Variants in C2orf76 observed in about 807,000 individuals in gnomAD.
C2orf76 encodes chromosome 2 open reading frame 76, also known as UPF0538 protein C2orf76.
C2orf76 carries 23 observed loss-of-function variants against 16.9 expected under a neutral mutation model. That is an observed-to-expected ratio of 1.36 (90% confidence interval 0.98 to 1.93). The LOEUF (loss-of-function observed/expected upper bound fraction) is 1.93, where lower values mean the gene tolerates loss of function less well. C2orf76 is among the 30% of genes most tolerant of loss of function. C2orf76 has a pLI of 0.00. For synonymous variants in C2orf76, 48 were observed against 52.3 expected (o/e 0.92, Z 0.35); for missense variants, 152 against 152.6 (o/e 1.00, Z 0.02).
chr2:119,321,222 T>A lies in C2orf76; in HGVS notation c.134-18A>T. 1 of 1,316,890 alleles carries A rather than the reference T, an allele frequency of 7.6e-7. No individual in the cohort carries two copies. The highest frequency in any genetic ancestry group is 2.5e-5 in the East Asian group (1 of 40,756). The allele number at this position is 1,316,890 out of a possible 1,614,324, so 81.6% of individuals were successfully genotyped here. A position where few individuals can be genotyped will look rare whatever the true frequency, so the allele number is the denominator to read the frequency against. ...AGGGATATCTACAAGAGAAAGATTATTTTTTTACACAATAAGCAAATAGAC... is the reference window on the plus strand; with the variant it reads ...AGGGATATCTACAAGAGAAAGATTAATTTTTTACACAATAAGCAAATAGAC... On this transcript the variant is annotated intron_variant, in intron 2 of 5. Coordinates refer to ENST00000334816, the MANE Select transcript of C2orf76 (RefSeq NM_001322331.2).
intron 2 of C2orf76, among the ~76,000 whole-genome samples, chr2:119,325,782 T>C (rs980896533): frequency 2.0e-5 from 3 of 152,242 alleles, no homozygotes; most frequent in Admixed American, 1.3e-4. Flanking sequence ...TGTAATCTCA[T>C]TGTGGTTTTA....
At chr2:119,305,509 T>C (rs552258256) in intron 5 of C2orf76, among the ~76,000 whole-genome samples, 2 of 152,294 alleles carry the variant, frequency 1.3e-5, no homozygotes, top group South Asian at 2.1e-4. Flanking sequence ...AGCACCAACG[T>C]AGTATGAGGC....
chr2:119,342,987 C>T (rs1168512973), intron 1 of C2orf76, among the ~76,000 whole-genome samples: 2 of 152,154 alleles, frequency 1.3e-5, no homozygotes, highest in Non-Finnish European at 2.9e-5. Flanking sequence ...CCAGGCTGGT[C>T]TTGAACTCAT....
At chr2:119,357,160 C>T (rs1680597339) in intron 1 of C2orf76, among the ~76,000 whole-genome samples, 1 of 152,052 alleles carries the variant, frequency 6.6e-6, no homozygotes, top group Admixed American at 6.6e-5. Context: ...ATCAATTGTA[C>T]ACAACCTCTT....
chr2:119,344,322 C>G (rs955562394), intron 1 of C2orf76, among the ~76,000 whole-genome samples: 1 of 152,120 alleles, frequency 6.6e-6, no homozygotes, highest in Non-Finnish European at 1.5e-5. Flanking sequence ...ACATTTTTCC[C>G]AGAAAGTTTG....
intron 2 of C2orf76, among the ~76,000 whole-genome samples, chr2:119,334,701 A>ATATAT (rs1288025757): frequency 6.1e-5 from 5 of 81,388 alleles, no homozygotes; most frequent in African/African-American, 1.7e-4. Context: ...AGAAAAAAAC[A>ATATAT]AAATATATAT....
chr2:119,344,183 G>A (rs1271666271), intron 1 of C2orf76, among the ~76,000 whole-genome samples: 1 of 152,146 alleles, frequency 6.6e-6, no homozygotes, highest in Non-Finnish European at 1.5e-5. Flanking sequence ...TTTATACTCA[G>A]TAACAAAACA....
chr2:119,326,110 T>C (rs1679502727), intron 2 of C2orf76, among the ~76,000 whole-genome samples: 1 of 152,238 alleles, frequency 6.6e-6, no homozygotes, highest in Non-Finnish European at 1.5e-5. Context: ...ATTTTTGCTT[T>C]TATAGTTTAT....
At chr2:119,328,753 T>C (rs1406576603) in intron 2 of C2orf76, among the ~76,000 whole-genome samples, 1 of 152,178 alleles carries the variant, frequency 6.6e-6, no homozygotes, top group Admixed American at 6.5e-5. Flanking sequence ...TTAAATACTA[T>C]TTTACATGCA....
rs141718030 is a variant in C2orf76, at chr2:119,323,553, T to G, written c.134-2349A>C. Among the ~76,000 whole-genome samples, 291 of 152,222 alleles carry G rather than the reference T, an allele frequency of 1.9e-3. 2 individuals carry two copies. The highest frequency in any genetic ancestry group is 5.0e-4 in the Non-Finnish European group (34 of 68,010). ...CTAGGAGTGTGGTCCTCACCCCGGC[T>G]GCACGTCAGGATCACCCAGCCTGGC... On this transcript the variant is annotated intron_variant, in intron 2 of 5. Coordinates refer to ENST00000334816, the MANE Select transcript of C2orf76 (RefSeq NM_001322331.2).
intron 4 of C2orf76, among the ~76,000 whole-genome samples, chr2:119,312,265 C>T (rs956334540): frequency 1.3e-5 from 2 of 151,978 alleles, no homozygotes; most frequent in Non-Finnish European, 2.9e-5. Flanking sequence ...TTTTGTTTTT[C>T]GAGACAGGGT....
At chr2:119,366,937 G>C, upstream of C2orf76, 2 of 1,343,488 alleles carry the variant, frequency 1.5e-6, no homozygotes, top group Non-Finnish European at 2.1e-6. Flanking sequence ...CGCCCGAGCA[G>C]GGTTGGGGCG....
At chr2:119,332,589 G>A (rs13019918) in intron 2 of C2orf76, among the ~76,000 whole-genome samples, 85,623 of 152,024 alleles carry the variant, frequency 0.56, 24,463 homozygotes, top group African/African-American at 0.62. Flanking sequence ...CAATCTGGAT[G>A]CAGCTAAAGC....
chr2:119,342,392 T>G (rs190149395), intron 1 of C2orf76, among the ~76,000 whole-genome samples: 2 of 151,990 alleles, frequency 1.3e-5, no homozygotes, highest in Non-Finnish European at 2.9e-5. Context: ...GGAAGGATCA[T>G]TTGAGGTCAG....
At chr2:119,343,278 C>A (rs1446004738) in intron 1 of C2orf76, among the ~76,000 whole-genome samples, 3 of 152,040 alleles carry the variant, frequency 2.0e-5, no homozygotes, top group African/African-American at 7.2e-5. Context: ...TCAGCAAATA[C>A]CTACAAAATT....
chr2:119,307,837 C>G lies in C2orf76; in HGVS notation c.304+3785G>C, dbSNP rs114330117. 7.3e-3 allele frequency among the ~76,000 whole-genome samples: 1,110 copies of G among 152,276 alleles called. 11 individuals are homozygous for G. The highest frequency in any genetic ancestry group is 0.013 in the Non-Finnish European group (870 of 68,018). On this transcript the variant is annotated intron_variant, in intron 5 of 5. Transcript: ENST00000334816. ...TTACATAAGTCAGTTTGAAATTAAT[C>G]ACAACAAGACCAACAACTCAATATT...
chr2:119,366,728 G>A lies in C2orf76; in HGVS notation c.-13+62C>T, dbSNP rs114425351. 1.0e-3 allele frequency: 521 copies of A among 517,766 alleles called. 2 individuals carry two copies. Among genetic ancestry groups the A allele is most frequent in the African/African-American group, 9.0e-3 (468 of 52,102 alleles). The allele number at this position is 517,766 out of a possible 1,614,324, so 32.1% of individuals were successfully genotyped here. A position where few individuals can be genotyped will look rare whatever the true frequency, so the allele number is the denominator to read the frequency against. On this transcript the variant is annotated intron_variant, in intron 1 of 5. Transcript: ENST00000334816. ...GCCGTCCCCACAACGGGCCAGGACT[G>A]AACCCAACTCTCGACCAACTCCCGG...
chr2:119,344,804 C>T (rs1026942488), intron 1 of C2orf76, among the ~76,000 whole-genome samples: 1 of 152,080 alleles, frequency 6.6e-6, no homozygotes, highest in Admixed American at 6.6e-5. Flanking sequence ...AATATAAAAT[C>T]GGATACTGGA....
intron 1 of C2orf76, among the ~76,000 whole-genome samples, chr2:119,345,153 T>A (rs2104615765): frequency 6.6e-6 from 1 of 152,268 alleles, no homozygotes; most frequent in Non-Finnish European, 1.5e-5. Context: ...GACTGATAGT[T>A]GTAACAACAT....
Sources: allele counts gnomAD v4.1 joint callset (sites outside exome capture counted in the v4.1 genomes callset), GRCh38; gene constraint gnomAD v4.1.1; transcripts MANE v1.5; gene names NCBI Gene and HGNC (gene_info 2026-07-23, HGNC 2026-07-21).